Variants in FBXO38 observed in about 807,000 individuals in gnomAD.
The protein encoded by FBXO38 is F-box only protein 38.
Under a neutral mutation model 131.9 loss-of-function variants are expected in FBXO38, and 53 were observed. The ratio of observed to expected loss-of-function variants is 0.40; its 90% confidence interval spans 0.32 to 0.51. The LOEUF (loss-of-function observed/expected upper bound fraction) is 0.51. Among genes scored for constraint, FBXO38 ranks in the 20% least tolerant of loss-of-function variants. FBXO38 has a pLI of 0.53. For missense variants in FBXO38, 1,076 were observed against 1,475.6 expected (o/e 0.73, Z 4.44); for synonymous variants, 452 against 505.6 (o/e 0.89, Z 1.42).
chr5:148,432,687 A>G (rs1259661283), intron 15 of FBXO38, among the ~76,000 whole-genome samples: 1 of 152,240 alleles, frequency 6.6e-6, no homozygotes, highest in African/African-American at 2.4e-5. Flanking sequence ...GTAAGTGTTG[A>G]GTGCCAGTTC....
At position 148,414,159 on chromosome 5, in the gene FBXO38, G is replaced by A. The variant is rs201279960; in HGVS notation, c.1117G>A (p.Val373Met). ...LQSRMANADL[V>M]KYGLADVVEN... ...AGGCAGAATGGCTAATGCGGATCTG[G>A]TGAAGTATGGTTTGGCTGATGTGGT... Residue 373 changes from valine (V) to methionine (M), a missense_variant, in exon 10 of 22, where the codon GTG becomes ATG. Coordinates refer to ENST00000340253, the MANE Select transcript of FBXO38 (RefSeq NM_205836.3). The A allele has an allele frequency of 1.4e-4, 230 of 1,609,278 alleles. No individual in the cohort carries two copies. The highest frequency in any genetic ancestry group is 1.9e-4 in the Middle Eastern group (1 of 5,390).
At chr5:148,398,944 G>A in intron 2 of FBXO38, 55 bp from the exon 3 acceptor site, 2 of 1,588,726 alleles carry the variant, frequency 1.3e-6, no homozygotes, top group Non-Finnish European at 1.7e-6. Flanking sequence ...ATAACTTACT[G>A]GTGAGAAGTA....
At chr5:148,440,149 A>G (rs1754591248) in intron 19 of FBXO38, among the ~76,000 whole-genome samples, 1 of 152,216 alleles carries the variant, frequency 6.6e-6, no homozygotes, top group Admixed American at 6.5e-5. Context: ...TGTTATATAA[A>G]TGTTGCATTA....
chr5:148,439,577 C>A, intron 18 of FBXO38, 70 bp from the exon 19 acceptor site: 1 of 1,439,446 alleles, frequency 6.9e-7, no homozygotes, highest in Non-Finnish European at 9.5e-7. Flanking sequence ...AAAGATTGTT[C>A]AAGCTCTCGG....
rs760583293 is a variant in FBXO38 at position 148,440,577 on chromosome 5, C to A, written c.3274+50C>A. On this transcript the variant is annotated intron_variant, in intron 20 of 21. Transcript: ENST00000340253. Reference sequence around the variant, plus strand: ...AGTTAAATAGCCTGTGCAGTACTTACCTCTGTAATCCCAGCGACTCAGGAG... The same window carrying A: ...AGTTAAATAGCCTGTGCAGTACTTAACTCTGTAATCCCAGCGACTCAGGAG... 11 of 1,100,696 alleles carry A rather than the reference C, an allele frequency of 1.0e-5. No homozygotes were observed. In the African/African-American group the frequency reaches 1.3e-4, roughly 13 times the overall value. The allele number at this position is 1,100,696 out of a possible 1,614,324, so 68.2% of individuals were successfully genotyped here. A position where few individuals can be genotyped will look rare whatever the true frequency, so the allele number is the denominator to read the frequency against.
chr5:148,390,656 GTATAACATCATTT>G (rs1208997035), intron 1 of FBXO38, among the ~76,000 whole-genome samples: 1 of 152,136 alleles, frequency 6.6e-6, no homozygotes, highest in African/African-American at 2.4e-5. Context: ...GTATAATATT[GTATAACATCATTT>G]CTGTGAGTAA....
At chr5:148,405,288 A>G (rs1561522313) in intron 6 of FBXO38, among the ~76,000 whole-genome samples, 1 of 152,140 alleles carries the variant, frequency 6.6e-6, no homozygotes, top group African/African-American at 2.4e-5. Context: ...CCCAATACAA[A>G]TTCTTAAACT....
intron 17 of FBXO38, among the ~76,000 whole-genome samples, chr5:148,436,393 T>A (rs1403794328): frequency 6.6e-6 from 1 of 152,176 alleles, no homozygotes; most frequent in African/African-American, 2.4e-5. Flanking sequence ...GCTTAAAAAT[T>A]CAAAACTTTC....
At chr5:148,439,620 G>GGTCCATGGAA in intron 18 of FBXO38, 27 bp from the exon 19 acceptor site, 1 of 1,605,686 alleles carries the variant, frequency 6.2e-7, no homozygotes, top group Admixed American at 1.7e-5. Context: ...CTTTGTTGAA[G>GGTCCATGGAA]ACATCTCTTT....
chr5:148,440,565 G>A lies in FBXO38; in HGVS notation c.3274+38G>A, dbSNP rs1376453358. On this transcript the variant is annotated intron_variant, in intron 20 of 21. Coordinates refer to ENST00000340253, the MANE Select transcript of FBXO38 (RefSeq NM_205836.3). ...AAATGTTTAGAAAGTTAAATAGCCTGTGCAGTACTTACCTCTGTAATCCCA... is the reference window on the plus strand; with the variant it reads ...AAATGTTTAGAAAGTTAAATAGCCTATGCAGTACTTACCTCTGTAATCCCA... The A allele has an allele frequency of 2.4e-6, 3 of 1,269,422 alleles. No homozygotes were observed. The South Asian group carries it at 3.7e-5, about 16-fold the overall frequency. The allele number at this position is 1,269,422 out of a possible 1,614,324, so 78.6% of individuals were successfully genotyped here.
intron 2 of FBXO38, 140 bp from the exon 3 acceptor site, chr5:148,398,859 G>A (rs1751977770): frequency 2.2e-6 from 2 of 929,520 alleles, no homozygotes; most frequent in Non-Finnish European, 3.2e-6. Context: ...ATGACCGTAT[G>A]TGTGGTAGCT....
chr5:148,424,687 T>C (rs1477183049), intron 13 of FBXO38, among the ~76,000 whole-genome samples: 1 of 152,210 alleles, frequency 6.6e-6, no homozygotes. Flanking sequence ...GAATTGAAAT[T>C]GAGAAAACTG....
chr5:148,386,752 G>A (rs1458608632), intron 1 of FBXO38, among the ~76,000 whole-genome samples: 2 of 152,066 alleles, frequency 1.3e-5, no homozygotes, highest in African/African-American at 4.8e-5. Context: ...AGATACTGCA[G>A]GTTTGGTTCC....
intron 7 of FBXO38, among the ~76,000 whole-genome samples, chr5:148,407,142 G>C (rs980514610): frequency 2.6e-5 from 4 of 152,158 alleles, no homozygotes; most frequent in Non-Finnish European, 5.9e-5. Flanking sequence ...GTCAAGTGTG[G>C]TATAAGTGTA....
At chr5:148,396,885 C>T (rs1176132626) in intron 2 of FBXO38, among the ~76,000 whole-genome samples, 2 of 152,138 alleles carry the variant, frequency 1.3e-5, no homozygotes, top group Non-Finnish European at 2.9e-5. Context: ...GAATTACATG[C>T]ATACACCACC....
At chr5:148,416,769 C>CCGAAAG in intron 11 of FBXO38, 1 of 513,586 alleles carries the variant, frequency 1.9e-6, no homozygotes. Context: ...CAGATCTCTT[C>CCGAAAG]TCCTTGCATG....
At chr5:148,400,305 C>G (rs1281265561) in intron 3 of FBXO38, among the ~76,000 whole-genome samples, 1 of 152,008 alleles carries the variant, frequency 6.6e-6, no homozygotes, top group Admixed American at 6.6e-5. Context: ...AAATGATTGT[C>G]TTATTCCTTA....
At position 148,427,766 on chromosome 5, in the gene FBXO38, G is replaced by A. The variant is rs765922663; in HGVS notation, c.2472G>A (p.Gly824=). The A allele has an allele frequency of 1.2e-6, 2 of 1,612,164 alleles. No homozygotes were observed. Among genetic ancestry groups the A allele is most frequent in the South Asian group, 2.2e-5 (2 of 90,744 alleles). ...AFSFRTLPQG[G]SSGPAHDERT... is the part of the protein sequence containing the mutation. The stretch of plus-strand genomic sequence containing the variant: ...CCTTTAGGACTCTGCCACAAGGGGG[G>A]TCTTCAGGCCCAGCACATGATGAGA... Residue 824 remains glycine (G), a synonymous_variant, in exon 15 of 22, where the codon GGG becomes GGA. Coordinates refer to ENST00000340253, the MANE Select transcript of FBXO38 (RefSeq NM_205836.3).
chr5:148,425,717 T>C lies in FBXO38; in HGVS notation c.1918+16T>C. 6.2e-7 allele frequency: 1 copy of C among 1,608,486 alleles called. No homozygotes were observed. The highest frequency in any genetic ancestry group is 8.5e-7 in the Non-Finnish European group (1 of 1,176,474). ...GAATTGTCAGGTGAGAAATTGTCTT[T>C]CTCTGAACTATTAATGAGAGTCACT... On this transcript the variant is annotated intron_variant, in intron 14 of 21. Coordinates refer to ENST00000340253, the MANE Select transcript of FBXO38 (RefSeq NM_205836.3).
Sources: gnomAD v4.1 joint callset for allele counts (sites outside exome capture counted in the v4.1 genomes callset) on GRCh38, gnomAD v4.1.1 for gene constraint, MANE v1.5 for transcripts, NCBI Gene and HGNC (gene_info 2026-07-23, HGNC 2026-07-21) for gene names.